The following KPNA6 variants were observed in gnomAD, a reference collection of about 807,000 sequenced individuals.
KPNA6 encodes importin subunit alpha-7.
Under a neutral mutation model 72.0 loss-of-function variants are expected in KPNA6, and 9 were observed. The observed-to-expected ratio is 0.13, with a 90% CI of 0.08 to 0.22. The LOEUF (loss-of-function observed/expected upper bound fraction) is 0.22. Ranked by LOEUF, KPNA6 falls within the 10% of genes least tolerant of loss-of-function variation. The pLI is 1.00. For synonymous variants in KPNA6, 219 were observed against 242.1 expected (o/e 0.90, Z 0.89); for missense variants, 374 against 655.7 (o/e 0.57, Z 4.69).
At position 32,170,766 on chromosome 1, in the gene KPNA6, T is replaced by C. The variant is rs1457398779; in HGVS notation, c.1483T>C (p.Phe495Leu). Residue 495 changes from phenylalanine to leucine, a missense_variant, in exon 14 of 14, where the codon TTC becomes CTC. Coordinates refer to ENST00000373625, the MANE Select transcript of KPNA6 (RefSeq NM_012316.5). ...GAACCAGGAGATCTACCAGAAGGCC[T>C]TCGACCTCATTGAGCACTACTTTGG... ...HENQEIYQKA[F>L]DLIEHYFGVE... The C allele has an allele frequency of 6.2e-7, 1 of 1,614,104 alleles. No individual in the cohort carries two copies. Among genetic ancestry groups the C allele is most frequent in the Non-Finnish European group, 8.5e-7 (1 of 1,180,050 alleles).
Position 32,158,367 on chromosome 1 carries a change from G to T in KPNA6, c.426+6G>T. 6.3e-7 allele frequency: 1 copy of T among 1,582,348 alleles called. No individual in the cohort carries two copies. Among genetic ancestry groups the T allele is most frequent in the Non-Finnish European group, 8.7e-7 (1 of 1,152,204 alleles). ...ATGAGAATTGTACATTACAGGTGAG[G>T]CCTGAAGGGAAGGGGTTTGTTTTGT... On this transcript the variant is annotated splice_donor_region_variant and intron_variant, in intron 5 of 13. Coordinates refer to ENST00000373625, the MANE Select transcript of KPNA6 (RefSeq NM_012316.5).
intron 10 of KPNA6, among the ~76,000 whole-genome samples, chr1:32,165,357 A>G (rs150353463): frequency 2.0e-5 from 3 of 152,008 alleles, no homozygotes; most frequent in East Asian, 3.9e-4. Context: ...GCTTACTCCA[A>G]TGTCTTGATG....
chr1:32,128,426 TAC>T (rs1230804875), intron 1 of KPNA6, among the ~76,000 whole-genome samples: 33 of 99,162 alleles, frequency 3.3e-4, no homozygotes, highest in South Asian at 3.0e-3. Flanking sequence ...TATATATATA[TAC>T]ACACACACAC....
chr1:32,154,121 T>C (rs1322517457), intron 1 of KPNA6, among the ~76,000 whole-genome samples: 1 of 151,692 alleles, frequency 6.6e-6, no homozygotes, highest in Non-Finnish European at 1.5e-5. Context: ...CACTCCAGCC[T>C]GGGTGACAGA....
chr1:32,142,835 C>T (rs886569345), intron 1 of KPNA6: 1 of 688,196 alleles, frequency 1.5e-6, no homozygotes, highest in South Asian at 1.9e-5. Context: ...GATGTTCCTC[C>T]TTCCAATCTA....
chr1:32,121,314 A>G (rs1299330486), intron 1 of KPNA6, among the ~76,000 whole-genome samples: 1 of 152,194 alleles, frequency 6.6e-6, no homozygotes, highest in African/African-American at 2.4e-5. Flanking sequence ...GCTGAAGCCA[A>G]GGGGAAAAAA....
chr1:32,158,129 AACCACCTT>A (rs1037543514), intron 4 of KPNA6, 130 bp from the exon 5 acceptor site: 16 of 628,094 alleles, frequency 2.5e-5, no homozygotes, highest in Non-Finnish European at 3.7e-5. Context: ...ATATTGTTAA[AACCACCTT>A]ACCAGAAGGG....
rs78128360 is a variant in KPNA6, at chr1:32,119,681, T to C, written c.4+11547T>C. Among the ~76,000 whole-genome samples the C allele has an allele frequency of 8.3e-3, 1,264 of 152,252 alleles. 11 individuals carry two copies. Among genetic ancestry groups the C allele is most frequent in the South Asian group, 0.03 (145 of 4,830 alleles). On this transcript the variant is annotated intron_variant, in intron 1 of 13. Coordinates refer to ENST00000373625, the MANE Select transcript of KPNA6 (RefSeq NM_012316.5). ...TTGTTGCCATGGGGAAATGTGGTTCTAGTGTTGTTGATTTCGCATCCTTTC... is the reference window on the plus strand; with the variant it reads ...TTGTTGCCATGGGGAAATGTGGTTCCAGTGTTGTTGATTTCGCATCCTTTC...
chr1:32,130,475 C>T (rs1490786526), intron 1 of KPNA6, among the ~76,000 whole-genome samples: 1 of 152,018 alleles, frequency 6.6e-6, no homozygotes, highest in East Asian at 1.9e-4. Context: ...GATTTAATCA[C>T]AAAAGTCATT....
chr1:32,167,679 C>G (rs918452955), intron 12 of KPNA6, among the ~76,000 whole-genome samples: 54 of 151,990 alleles, frequency 3.6e-4, no homozygotes, highest in African/African-American at 1.3e-3. Context: ...TTCAGCCTGA[C>G]CAACATAAGA....
intron 1 of KPNA6, among the ~76,000 whole-genome samples, chr1:32,115,825 C>T (rs1641319564): frequency 6.6e-6 from 1 of 152,046 alleles, no homozygotes. Context: ...CTCACTGCAA[C>T]CTCTTCCTCC....
In KPNA6 at chr1:32,171,664, A is replaced by C. The variant is rs977146189; in HGVS notation, c.*770A>C. 1.1e-4 allele frequency: 17 copies of C among 152,180 alleles called. No individual in the cohort carries two copies. Among genetic ancestry groups the C allele is most frequent in the African/African-American group, 3.4e-4 (14 of 41,424 alleles). 9.4% of individuals were successfully genotyped at this position (152,180 alleles called of 1,614,324 possible). A position where few individuals can be genotyped will look rare whatever the true frequency, so the allele number is the denominator to read the frequency against. Reference sequence around the variant, plus strand: ...CTCACTCTCCTGAAGTGTCTCAAGTATACCAGTGGGAGTGCAGGGGAGGAG... The same window carrying C: ...CTCACTCTCCTGAAGTGTCTCAAGTCTACCAGTGGGAGTGCAGGGGAGGAG... On this transcript the variant is annotated 3_prime_UTR_variant, in exon 14 of 14. Coordinates refer to ENST00000373625, the MANE Select transcript of KPNA6 (RefSeq NM_012316.5).
rs778551324 is a variant in KPNA6, at chr1:32,167,231, T to A, written c.1179T>A (p.Arg393=). ...LIEILQKAEF[R]TRKEAAWAIT... ...AAATCCTTCAGAAAGCAGAGTTTCGTACAAGGAAAGAGGCAGCCTGGGCCA... is the reference window on the plus strand; with the variant it reads ...AAATCCTTCAGAAAGCAGAGTTTCGAACAAGGAAAGAGGCAGCCTGGGCCA... Residue 393 remains arginine (R), a synonymous_variant, in exon 12 of 14, where the codon CGT becomes CGA. Coordinates refer to ENST00000373625, the MANE Select transcript of KPNA6 (RefSeq NM_012316.5). 6.2e-7 allele frequency: 1 copy of A among 1,614,030 alleles called. No individual in the cohort carries two copies. The highest frequency in any genetic ancestry group is 8.5e-7 in the Non-Finnish European group (1 of 1,179,962).
At chr1:32,127,291 G>A (rs1287132027) in intron 1 of KPNA6, among the ~76,000 whole-genome samples, 1 of 152,192 alleles carries the variant, frequency 6.6e-6, no homozygotes, top group African/African-American at 2.4e-5. Context: ...TGGAGTTTGA[G>A]GGTGAACATT....
At chr1:32,111,036 A>T (rs907353337) in intron 1 of KPNA6, among the ~76,000 whole-genome samples, 2 of 152,170 alleles carry the variant, frequency 1.3e-5, no homozygotes, top group African/African-American at 4.8e-5. Context: ...GAGTAATAAG[A>T]CTGATAGGCC....
chr1:32,124,945 A>G (rs1215474680), intron 1 of KPNA6, among the ~76,000 whole-genome samples: 1 of 151,430 alleles, frequency 6.6e-6, no homozygotes, highest in African/African-American at 2.4e-5. Flanking sequence ...CCCAGGTTCA[A>G]ACAATTCTCC....
At chr1:32,117,954 G>A (rs890295286) in intron 1 of KPNA6, among the ~76,000 whole-genome samples, 5 of 151,422 alleles carry the variant, frequency 3.3e-5, no homozygotes, top group Admixed American at 1.3e-4. Flanking sequence ...ATGGAGTTTC[G>A]CTCTTGTTGC....
intron 10 of KPNA6, 36 bp from the exon 11 acceptor site, chr1:32,166,069 A>T: frequency 6.4e-7 from 1 of 1,565,104 alleles, no homozygotes; most frequent in Non-Finnish European, 8.6e-7. Flanking sequence ...AAACAGTTTA[A>T]TTTTTCTTTT....
chr1:32,157,919 C>T (rs1642172630), intron 4 of KPNA6, among the ~76,000 whole-genome samples: 1 of 152,116 alleles, frequency 6.6e-6, no homozygotes, highest in Admixed American at 6.5e-5. Context: ...TTCAGTATAT[C>T]AAATAGTCTT....
Sources: allele counts gnomAD v4.1 joint callset (sites outside exome capture counted in the v4.1 genomes callset), GRCh38; gene constraint gnomAD v4.1.1; transcripts MANE v1.5; gene names NCBI Gene and HGNC (gene_info 2026-07-23, HGNC 2026-07-21).